APBB2: variants seen among roughly 807,000 people sequenced by gnomAD.
APBB2 encodes Fe65-like 1.
APBB2 carries 38 observed loss-of-function variants against 82.5 expected under a neutral mutation model. That is an observed-to-expected ratio of 0.46 (90% CI 0.36 to 0.60). APBB2 has a LOEUF of 0.60. APBB2 is among the 20% of genes least tolerant of loss of function. The pLI is 0.00. For missense variants in APBB2, 772 were observed against 972.3 expected, an observed-to-expected ratio of 0.79 and a Z score of 2.74; for synonymous variants, 341 against 368.2, an observed-to-expected ratio of 0.93 and a Z score of 0.85.
At chr4:40,964,143 A>C (rs1359489377) in intron 6 of APBB2, among the ~76,000 whole-genome samples, 2 of 152,128 alleles carry the variant, frequency 1.3e-5, no homozygotes, top group African/African-American at 4.8e-5. Flanking sequence ...AAAAAAAAAT[A>C]AATTCTGCTC....
chr4:40,890,269 CG>C, intron 12 of APBB2, 94 bp downstream of exon 12: 1 of 1,471,558 alleles, frequency 6.8e-7, no homozygotes, highest in Non-Finnish European at 9.1e-7. Context: ...ACATGAGTTT[CG>C]TATTCCGTGA....
chr4:41,115,827 G>C (rs1465066324), intron 2 of APBB2, among the ~76,000 whole-genome samples: 1 of 152,202 alleles, frequency 6.6e-6, no homozygotes, highest in Non-Finnish European at 1.5e-5. Flanking sequence ...AGATACTAGA[G>C]AGGATGTGGA....
chr4:40,965,066 G>C (rs1578804127), intron 6 of APBB2, among the ~76,000 whole-genome samples: 2 of 151,422 alleles, frequency 1.3e-5, no homozygotes, highest in East Asian at 3.9e-4. Context: ...GTTGCAGTGA[G>C]ATGATATCAC....
rs147918225 is a variant in APBB2, at chr4:41,055,502, C to T, written c.-51+10074G>A. Among the ~76,000 whole-genome samples the T allele has an allele frequency of 3.9e-5, 6 of 152,262 alleles. No individual in the cohort carries two copies. In the East Asian group the frequency reaches 5.8e-4, roughly 15 times the overall value. ...GCCTGATAAGGTTGACTTGTCACTG[C>T]CCTCTATACCACCCACTCTTTCGTG... is the stretch of plus-strand genomic sequence containing the variant. On this transcript the variant is annotated intron_variant, in intron 4 of 17. Coordinates refer to ENST00000508593, the MANE Select transcript of APBB2 (RefSeq NM_004307.2).
intron 6 of APBB2, among the ~76,000 whole-genome samples, chr4:40,975,753 A>AACACACACACACACACACACAC (rs368424451): frequency 4.2e-5 from 6 of 142,012 alleles, no homozygotes; most frequent in Admixed American, 7.1e-5. Flanking sequence ...GTAGTAAGAA[A>AACACACACACACACACACACAC]ACACACACAC....
chr4:40,890,830 C>A (rs1771800227), intron 11 of APBB2: 1 of 188,774 alleles, frequency 5.3e-6, no homozygotes, highest in Non-Finnish European at 1.1e-5. Flanking sequence ...TAATTCCATG[C>A]CCATCAAACT....
intron 12 of APBB2, 170 bp downstream of exon 12, chr4:40,890,194 T>C (rs1771562491): frequency 1.2e-6 from 1 of 823,280 alleles, no homozygotes; most frequent in Non-Finnish European, 1.8e-6. Flanking sequence ...GGAAGCAGTT[T>C]GAAGTCTTTA....
intron 1 of APBB2, among the ~76,000 whole-genome samples, chr4:41,164,988 G>T (rs1021535391): frequency 2.6e-5 from 4 of 152,198 alleles, no homozygotes; most frequent in Admixed American, 2.6e-4. Flanking sequence ...GGCTTTAAGT[G>T]AGAATATTTT....
chr4:40,936,411 C>G (rs2154376189), intron 7 of APBB2, among the ~76,000 whole-genome samples: 2 of 152,286 alleles, frequency 1.3e-5, no homozygotes, highest in Middle Eastern at 6.8e-3. Flanking sequence ...TGCTACTACA[C>G]CTGGCTAATT....
intron 2 of APBB2, among the ~76,000 whole-genome samples, chr4:41,125,532 G>GA (rs200570355): frequency 0.013 from 1,989 of 151,486 alleles, 35 homozygotes; most frequent in African/African-American, 0.046. Flanking sequence ...AGGATACATC[G>GA]AAAAAAAACA....
chr4:40,906,063 T>C (rs946100727), intron 10 of APBB2, among the ~76,000 whole-genome samples: 1 of 152,240 alleles, frequency 6.6e-6, no homozygotes, highest in African/African-American at 2.4e-5. Flanking sequence ...GACATCAACA[T>C]GCTTTCCTTT....
In APBB2 at chr4:40,914,273, C is replaced by T. The variant is rs184135750; in HGVS notation, c.1254+20183G>A. ...CTATAGTCCCAGCTACTTGGGAGGC[C>T]GAGGCAGGAGAATGGCGTGAACCCG... On this transcript the variant is annotated intron_variant, in intron 10 of 17. Coordinates refer to ENST00000508593, the MANE Select transcript of APBB2 (RefSeq NM_004307.2). Among the ~76,000 whole-genome samples, 640 of 151,872 alleles carry T rather than the reference C, an allele frequency of 4.2e-3. 7 individuals are homozygous for T. The highest frequency in any genetic ancestry group is 0.014 in the African/African-American group (599 of 41,378).
intron 1 of APBB2, among the ~76,000 whole-genome samples, chr4:41,198,359 G>A: frequency 1.3e-5 from 2 of 152,246 alleles, no homozygotes; most frequent in African/African-American, 4.8e-5. Context: ...TGTCATTAAA[G>A]AGGAAGTTCA....
chr4:40,870,094 C>T (rs1220764490), intron 12 of APBB2, among the ~76,000 whole-genome samples: 4 of 152,054 alleles, frequency 2.6e-5, no homozygotes, highest in African/African-American at 9.7e-5. Context: ...TGGCAATAAA[C>T]CGCTCACCCA....
chr4:40,881,265 G>A, intron 12 of APBB2: 1 of 985,032 alleles, frequency 1.0e-6, no homozygotes, highest in Non-Finnish European at 1.2e-6. Flanking sequence ...TTTTCTCCCT[G>A]AGGCAAGACA....
At chr4:40,893,032 C>CA (rs11414663) in intron 11 of APBB2, 255,244 of 395,792 alleles carry the variant, frequency 0.64, 84,050 homozygotes, top group East Asian at 0.85. Context: ...GAATCTGTGT[C>CA]CTTAGCTACT....
intron 3 of APBB2, among the ~76,000 whole-genome samples, chr4:41,100,284 A>G (rs1744912507): frequency 6.6e-6 from 1 of 152,202 alleles, no homozygotes; most frequent in East Asian, 1.9e-4. Context: ...TAAAAGTCTA[A>G]AACACCTGAA....
chr4:40,950,314 T>C (rs1343235039), intron 6 of APBB2, among the ~76,000 whole-genome samples: 1 of 152,254 alleles, frequency 6.6e-6, no homozygotes, highest in Non-Finnish European at 1.5e-5. Flanking sequence ...ATCTCTACTC[T>C]ATGACCCAAC....
At chr4:40,834,110 C>CA (rs1560643839) in intron 12 of APBB2, among the ~76,000 whole-genome samples, 3 of 56,258 alleles carry the variant, frequency 5.3e-5, no homozygotes, top group Non-Finnish European at 1.1e-4. Context: ...GAGGAATTCT[C>CA]ACTTTTTTTT....
Sources: gnomAD v4.1 joint callset for allele counts (sites outside exome capture counted in the v4.1 genomes callset) on GRCh38, gnomAD v4.1.1 for gene constraint, MANE v1.5 for transcripts, NCBI Gene and HGNC (gene_info 2026-07-23, HGNC 2026-07-21) for gene names.